ECM1: variants seen among roughly 807,000 people sequenced by gnomAD.
The protein encoded by ECM1 is secretory component p85.
A neutral mutation model predicts 57.9 loss-of-function variants in ECM1; 54 were observed. The ratio of observed to expected loss-of-function variants is 0.93; its 90% confidence interval spans 0.75 to 1.17. ECM1 has a LOEUF of 1.17. Among genes scored for constraint, ECM1 ranks in the 50% most tolerant of loss-of-function variants. The pLI, the probability that ECM1 is intolerant of heterozygous loss-of-function variation, is 0.00. For missense variants in ECM1, 649 were observed against 688.1 expected, an observed-to-expected ratio of 0.94 and a Z score of 0.64; for synonymous variants, 237 against 259.1, an observed-to-expected ratio of 0.91 and a Z score of 0.82.
At position 150,512,829 on chromosome 1, in the gene ECM1, T is replaced by C; in HGVS notation, c.1392+17T>C. On this transcript the variant is annotated intron_variant, in intron 9 of 9. Coordinates refer to ENST00000369047, the MANE Select transcript of ECM1 (RefSeq NM_004425.4). ...GAGGAGGAGGTGAGTGTGTGGAGTC[T>C]AGTCTCCAGAGGAATGCAGGGGAGG... The C allele has an allele frequency of 6.2e-7, 1 of 1,613,274 alleles. No individual in the cohort carries two copies.
rs1223267481 is a variant in ECM1, at chr1:150,510,119, C to G, written c.322C>G (p.Gln108Glu). The change falls in exon 5 of 10, where the codon CAG becomes GAG. Residue 108 changes from glutamine to glutamate, a missense_variant. Transcript: ENST00000369047. ...TCTTGCAGTGGGTCCCCCTCTCCCT[C>G]AGGAAGCTGTCCCCCTCCAAAAAGA... is the stretch of plus-strand genomic sequence containing the variant. ...AEKEVGPPLP[Q>E]EAVPLQKELP... 1.2e-6 allele frequency: 2 copies of G among 1,614,010 alleles called. No homozygotes were observed. Among genetic ancestry groups the G allele is most frequent in the African/African-American group, 2.7e-5 (2 of 74,910 alleles).
In ECM1 at chr1:150,509,537, C is replaced by G; in HGVS notation, c.77C>G (p.Thr26Arg). ...VASAASEGGFTATGQRQLRPE... is the reference protein window; with the variant it reads ...VASAASEGGFRATGQRQLRPE... ...TTGCCCTTCTTCCCTCCAGGCTTCACGGCTACAGGACAGAGGCAGCTGAGG... is the reference window on the plus strand; with the variant it reads ...TTGCCCTTCTTCCCTCCAGGCTTCAGGGCTACAGGACAGAGGCAGCTGAGG... The change falls in exon 2 of 10, where the codon ACG becomes AGG. Residue 26 changes from threonine to arginine, a missense_variant. By Grantham distance (71) the Thr-to-Arg change is moderately conservative. Transcript: ENST00000369047. 1 of 1,614,158 alleles carries G rather than the reference C, an allele frequency of 6.2e-7. No homozygotes were observed. Among genetic ancestry groups the G allele is most frequent in the Non-Finnish European group, 8.5e-7 (1 of 1,180,032 alleles).
intron 5 of ECM1, chr1:150,510,520 C>T (rs1411295329): frequency 1.8e-6 from 1 of 549,250 alleles, no homozygotes; most frequent in African/African-American, 1.9e-5. Context: ...AGACCCACCT[C>T]TTCCATATCA....
intron 5 of ECM1, chr1:150,510,664 G>A (rs944217761): frequency 4.2e-5 from 27 of 635,612 alleles, no homozygotes; most frequent in Non-Finnish European, 7.5e-5. Context: ...GGAGGAGGTG[G>A]GGGCAGGCTG....
In ECM1 at chr1:150,512,349, C is replaced by A; in HGVS notation, c.1084-3C>A. On this transcript the variant is annotated splice_region_variant and splice_polypyrimidine_tract_variant and intron_variant, in intron 7 of 9. Transcript: ENST00000369047. ...TTCTGACTTCCCTCTCTCTGGTCCA[C>A]AGTGGGAGGATACCCTTGACAAATA... 6.2e-7 allele frequency: 1 copy of A among 1,612,954 alleles called. No homozygotes were observed. Among genetic ancestry groups the A allele is most frequent in the East Asian group, 2.2e-5 (1 of 44,836 alleles).
chr1:150,508,862 T>C (rs1254818127), intron 1 of ECM1, among the ~76,000 whole-genome samples: 1 of 152,156 alleles, frequency 6.6e-6, no homozygotes, highest in Non-Finnish European at 1.5e-5. Context: ...CTGCTGAGGA[T>C]GTCAGCAAAT....
Position 150,509,719 on chromosome 1 carries a change from T to G in ECM1, c.180T>G (p.Pro60=), listed in dbSNP as rs770531858. The change falls in exon 3 of 10, where the codon CCT becomes CCG. Residue 60 remains proline, a synonymous_variant. Transcript: ENST00000369047. ...CCCGAAGCCTCCCCATGGATCACCC[T>G]GACTCCTCTCAGCATGGCCCTCCCT... ...PLSRSLPMDH[P]DSSQHGPPFE... is the part of the protein sequence containing the mutation. 7 of 1,247,942 alleles carry G rather than the reference T, an allele frequency of 5.6e-6. No individual in the cohort carries two copies. The Admixed American group carries it at 1.3e-4, about 24-fold the overall frequency. The allele number at this position is 1,247,942 out of a possible 1,614,324, so 77.3% of individuals were successfully genotyped here. A position where few individuals can be genotyped will look rare whatever the true frequency, so the allele number is the denominator to read the frequency against.
intron 1 of ECM1, 111 bp downstream of exon 1, chr1:150,508,390 T>G: frequency 8.7e-7 from 1 of 1,150,602 alleles, no homozygotes; most frequent in Non-Finnish European, 1.3e-6. Flanking sequence ...CGTTTGGCTT[T>G]CCTTTTCTGA....
chr1:150,510,335 CTG>C, intron 5 of ECM1, 153 bp downstream of exon 5: 1 of 739,188 alleles, frequency 1.4e-6, no homozygotes, highest in East Asian at 2.7e-5. Flanking sequence ...GTTTCTTCAT[CTG>C]TAAAATTGAG....
chr1:150,508,580 G>A (rs1670339668), intron 1 of ECM1, among the ~76,000 whole-genome samples: 1 of 152,134 alleles, frequency 6.6e-6, no homozygotes, highest in Non-Finnish European at 1.5e-5. Context: ...AGGATGTAGG[G>A]AGGTGGCTGG....
intron 2 of ECM1, 25 bp downstream of exon 2, chr1:150,509,606 G>A: frequency 6.2e-7 from 1 of 1,614,038 alleles, no homozygotes; most frequent in Non-Finnish European, 8.5e-7. Context: ...GAGCAGCATG[G>A]GATTGGGACT....
At chr1:150,513,109 C>G in intron 9 of ECM1, 128 bp from the exon 10 acceptor site, 1 of 1,011,440 alleles carries the variant, frequency 9.9e-7, no homozygotes, top group East Asian at 2.5e-5. Flanking sequence ...CTCTCTGGGC[C>G]CCAGGAGGGG....
intron 1 of ECM1, among the ~76,000 whole-genome samples, chr1:150,508,532 G>T (rs756341220): frequency 2.6e-4 from 40 of 152,160 alleles, no homozygotes; most frequent in Non-Finnish European, 4.9e-4. Context: ...ACAACTGAGT[G>T]GGGGGTGGGT....
Position 150,511,054 on chromosome 1 carries a change from G to A in ECM1, c.564G>A (p.Val188=), listed in dbSNP as rs1205319392. 1.2e-6 allele frequency: 2 copies of A among 1,614,050 alleles called. No homozygotes were observed. Among genetic ancestry groups the A allele is most frequent in the African/African-American group, 2.7e-5 (2 of 74,894 alleles). ...NQICLPNRQH[V]VYGPWNLPQS... ...TCTGCCTTCCTAACCGTCAGCATGT[G>A]GTATATGGTCCCTGGAACCTACCAC... Residue 188 remains valine (V), a synonymous_variant, in exon 6 of 10, where the codon GTG becomes GTA. Coordinates refer to ENST00000369047, the MANE Select transcript of ECM1 (RefSeq NM_004425.4).
In ECM1 at chr1:150,513,369, C is replaced by G. The variant is rs778523307; in HGVS notation, c.1525C>G (p.Leu509Val). ...CATCAATTATCTGAGGAACGTGGCT[C>G]TAGTGTCTGGAGACACTGAGAACGC... is the stretch of plus-strand genomic sequence containing the variant. ...FNINYLRNVA[L>V]VSGDTENAKG... The change falls in exon 10 of 10, where the codon CTA becomes GTA. Residue 509 changes from leucine to valine, a missense_variant. Leu to Val is a conservative substitution (Grantham distance 32). Coordinates refer to ENST00000369047, the MANE Select transcript of ECM1 (RefSeq NM_004425.4). 1 of 1,614,108 alleles carries G rather than the reference C, an allele frequency of 6.2e-7. No individual in the cohort carries two copies. Among genetic ancestry groups the G allele is most frequent in the Admixed American group, 1.7e-5 (1 of 60,014 alleles).
intron 1 of ECM1, 129 bp downstream of exon 1, chr1:150,508,408 C>A: frequency 1.1e-6 from 1 of 932,658 alleles, no homozygotes; most frequent in South Asian, 1.4e-5. Flanking sequence ...TGAGCAGGCC[C>A]AAAGTGGGCC....
chr1:150,513,769 T>C lies in ECM1; in HGVS notation c.*302T>C. ...GTTCACAGGCTGTGGGATGCGACCA[T>C]AACTAAACAGCTTGACGTCACTTTG... On this transcript the variant is annotated 3_prime_UTR_variant, in exon 10 of 10. Coordinates refer to ENST00000369047, the MANE Select transcript of ECM1 (RefSeq NM_004425.4). The C allele has an allele frequency of 3.3e-6, 1 of 301,334 alleles. No individual in the cohort carries two copies. Among genetic ancestry groups the C allele is most frequent in the East Asian group, 6.2e-5 (1 of 16,112 alleles). The allele number at this position is 301,334 out of a possible 1,614,324, so 18.7% of individuals were successfully genotyped here. A position where few individuals can be genotyped will look rare whatever the true frequency, so the allele number is the denominator to read the frequency against.
chr1:150,511,513 C>T lies in ECM1; in HGVS notation c.765C>T (p.Pro255=). Reference sequence around the variant, plus strand: ...CCGAGTTCTCGGTCAAGACCCGACCCCACTGGTGCTGCACGCGGCAGGGGG... The same window carrying T: ...CCGAGTTCTCGGTCAAGACCCGACCTCACTGGTGCTGCACGCGGCAGGGGG... ...CEAEFSVKTR[P]HWCCTRQGEA... The change falls in exon 7 of 10, where the codon CCC becomes CCT. Residue 255 remains proline (P), a synonymous_variant. Coordinates refer to ENST00000369047, the MANE Select transcript of ECM1 (RefSeq NM_004425.4). 9 of 1,614,196 alleles carry T rather than the reference C, an allele frequency of 5.6e-6. No individual in the cohort carries two copies. The highest frequency in any genetic ancestry group is 6.8e-6 in the Non-Finnish European group (8 of 1,180,026).
At chr1:150,508,345 A>C (rs1436403634) in intron 1 of ECM1, 66 bp downstream of exon 1, 1 of 1,438,108 alleles carries the variant, frequency 7.0e-7, no homozygotes, top group Non-Finnish European at 9.8e-7. Context: ...GGGTCCAGGC[A>C]TCCCAGACGG....
Sources: allele counts gnomAD v4.1 joint callset (sites outside exome capture counted in the v4.1 genomes callset), GRCh38; gene constraint gnomAD v4.1.1; transcripts MANE v1.5; gene names NCBI Gene and HGNC (gene_info 2026-07-23, HGNC 2026-07-21).